Variants in ZNF475 observed in about 807,000 individuals in gnomAD.
ZNF475 encodes zinc finger protein 475.
the ZNF475 span, among the ~76,000 whole-genome samples, chr5:122,177,903 G>A: frequency 3.3e-5 from 5 of 151,348 alleles, no homozygotes; most frequent in South Asian, 6.3e-4. Flanking sequence ...CTAGCCCACC[G>A]CCCCCAACAG....
the ZNF475 span, among the ~76,000 whole-genome samples, chr5:122,174,338 G>A: frequency 6.6e-6 from 1 of 152,190 alleles, no homozygotes; most frequent in Non-Finnish European, 1.5e-5. Context: ...AGCTTTCCCT[G>A]GAAGTTTCAG....
chr5:122,180,143 T>C, the ZNF475 span: 1 of 152,840 alleles, frequency 6.5e-6, no homozygotes, highest in Non-Finnish European at 1.5e-5. Context: ...TGTGTCTTGG[T>C]GTTCATAGAG....
the ZNF475 span, among the ~76,000 whole-genome samples, chr5:122,182,253 C>A: frequency 6.6e-6 from 1 of 152,130 alleles, no homozygotes; most frequent in Non-Finnish European, 1.5e-5. Context: ...CTGTCTGATT[C>A]CCAGCTAATT....
chr5:122,182,611 A>G, the ZNF475 span: 4 of 1,535,302 alleles, frequency 2.6e-6, no homozygotes, highest in South Asian at 1.2e-5. Flanking sequence ...ATTGTTCACC[A>G]ACGATCTTGT....
chr5:122,166,314 G>T, the ZNF475 span, among the ~76,000 whole-genome samples: 1 of 151,682 alleles, frequency 6.6e-6, no homozygotes, highest in South Asian at 2.1e-4. Flanking sequence ...TGCCTCATAT[G>T]TTGGAAGATA....
chr5:122,181,735 T>A, the ZNF475 span, among the ~76,000 whole-genome samples: 3 of 152,252 alleles, frequency 2.0e-5, no homozygotes, highest in African/African-American at 7.2e-5. Context: ...GTCAATTTAA[T>A]GTACTGAAAT....
chr5:122,182,497 G>C, the ZNF475 span: 7 of 1,464,282 alleles, frequency 4.8e-6, no homozygotes, highest in South Asian at 8.6e-5. Context: ...CCAGCCAAAG[G>C]CTTCTATGAT....
the ZNF475 span, among the ~76,000 whole-genome samples, chr5:122,169,817 C>G: frequency 6.6e-6 from 1 of 152,212 alleles, no homozygotes; most frequent in African/African-American, 2.4e-5. Context: ...AATAAGATGA[C>G]TAGTACCATA....
the ZNF475 span, among the ~76,000 whole-genome samples, chr5:122,167,462 A>T: frequency 6.6e-6 from 1 of 152,242 alleles, no homozygotes; most frequent in East Asian, 1.9e-4. Context: ...GAGATAAATT[A>T]AAGAGTTTAG....
the ZNF475 span, among the ~76,000 whole-genome samples, chr5:122,173,433 T>C: frequency 6.6e-6 from 1 of 152,200 alleles, no homozygotes; most frequent in Non-Finnish European, 1.5e-5. Flanking sequence ...CCTGCTTCAA[T>C]AGTGATATTA....
At chr5:122,182,253 C>T in the ZNF475 span, among the ~76,000 whole-genome samples, 1,224 of 152,248 alleles carry the variant, frequency 8.0e-3, 16 homozygotes, top group African/African-American at 0.028. Context: ...CTGTCTGATT[C>T]CCAGCTAATT....
chr5:122,160,495 C>G, the ZNF475 span, among the ~76,000 whole-genome samples: 9 of 152,144 alleles, frequency 5.9e-5, no homozygotes, highest in African/African-American at 2.2e-4. Flanking sequence ...AAAACTTATC[C>G]TTGACTTATA....
chr5:122,168,940 A>G, the ZNF475 span, among the ~76,000 whole-genome samples: 33 of 152,128 alleles, frequency 2.2e-4, no homozygotes, highest in Non-Finnish European at 3.8e-4. Flanking sequence ...TTCTGACAGG[A>G]GGATGAAGTC....
At chr5:122,169,672 C>A in the ZNF475 span, among the ~76,000 whole-genome samples, 3 of 151,948 alleles carry the variant, frequency 2.0e-5, no homozygotes, top group Non-Finnish European at 4.4e-5. Context: ...AGTCAAGAGG[C>A]GGGGGGTGGA....
chr5:122,160,317 AT>A, the ZNF475 span: 1 of 1,246,970 alleles, frequency 8.0e-7, no homozygotes, highest in African/African-American at 1.5e-5. Flanking sequence ...ACCCAAGGGA[AT>A]TTGTGTATAT....
At chr5:122,164,869 G>A in the ZNF475 span, among the ~76,000 whole-genome samples, 2 of 152,100 alleles carry the variant, frequency 1.3e-5, no homozygotes, top group Admixed American at 1.3e-4. Flanking sequence ...AAGTGAATGG[G>A]CTCAGCACAA....
At chr5:122,172,823 G>A in the ZNF475 span, among the ~76,000 whole-genome samples, 7 of 152,138 alleles carry the variant, frequency 4.6e-5, no homozygotes, top group Non-Finnish European at 1.0e-4. Flanking sequence ...CACGAGGTCA[G>A]GAGATCGAGA....
At chr5:122,175,139 A>T in the ZNF475 span, among the ~76,000 whole-genome samples, 1 of 152,224 alleles carries the variant, frequency 6.6e-6, no homozygotes. Flanking sequence ...CCTTTTTATA[A>T]AAACTTCAAT....
the ZNF475 span, among the ~76,000 whole-genome samples, chr5:122,171,288 T>C: frequency 6.6e-6 from 1 of 152,174 alleles, no homozygotes; most frequent in Non-Finnish European, 1.5e-5. Flanking sequence ...ATTATAAAAA[T>C]GATACAAATT....
Sources: gnomAD v4.1 joint callset for allele counts (sites outside exome capture counted in the v4.1 genomes callset) on GRCh38, gnomAD v4.1.1 for gene constraint, MANE v1.5 for transcripts, NCBI Gene and HGNC (gene_info 2026-07-23, HGNC 2026-07-21) for gene names.